Variants in PDE4DIP observed in about 807,000 individuals in gnomAD.
The protein encoded by PDE4DIP is myomegalin.
A neutral mutation model predicts 221.4 loss-of-function variants in PDE4DIP; 59 were observed. The ratio of observed to expected loss-of-function variants is 0.27; its 90% CI spans 0.22 to 0.33. The LOEUF is 0.33. Ranked by LOEUF, PDE4DIP falls within the 10% of genes least tolerant of loss-of-function variation. The pLI is 1.00. For synonymous variants in PDE4DIP, 404 were observed against 815.9 expected, an observed-to-expected ratio of 0.50 and a Z score of 8.60; for missense variants, 1,036 against 2,154.2, an observed-to-expected ratio of 0.48 and a Z score of 10.28.
chr1:148,984,628 T>G (rs1382902962), intron 21 of PDE4DIP: 1 of 152,106 alleles, frequency 6.6e-6, no homozygotes, highest in Non-Finnish European at 1.5e-5. Flanking sequence ...GAAGACTGAT[T>G]TCAGTTCTCT....
upstream of PDE4DIP, among the ~76,000 whole-genome samples, chr1:148,884,808 C>T (rs1625255): frequency 0.029 from 4,221 of 144,870 alleles, 1 homozygote; most frequent in East Asian, 0.099. Flanking sequence ...ATATACGATT[C>T]CATATTTGTT....
intron 17 of PDE4DIP, among the ~76,000 whole-genome samples, chr1:148,975,717 T>G (rs1778103): frequency 0.026 from 3,933 of 150,388 alleles, 124 homozygotes; most frequent in African/African-American, 0.074. Flanking sequence ...GGACCACAGC[T>G]CAGAGTTACA....
intron 1 of PDE4DIP, among the ~76,000 whole-genome samples, chr1:148,892,133 T>C (rs1698750634): frequency 8.4e-6 from 1 of 119,578 alleles, no homozygotes; most frequent in African/African-American, 3.6e-5. Context: ...TAGCTGGGAC[T>C]ACAGACCCCT....
intron 5 of PDE4DIP, chr1:148,952,448 G>A (rs2053664803): frequency 1.8e-5 from 20 of 1,094,194 alleles, no homozygotes; most frequent in Non-Finnish European, 2.2e-5. Flanking sequence ...GCTAAAAGGG[G>A]AGGACGTTGA....
chr1:148,919,703 T>C (rs1327832760), intron 1 of PDE4DIP, among the ~76,000 whole-genome samples: 1 of 151,672 alleles, frequency 6.6e-6, no homozygotes, highest in Non-Finnish European at 1.5e-5. Context: ...ATAAAACCCA[T>C]TCACTAATAG....
intron 1 of PDE4DIP, among the ~76,000 whole-genome samples, chr1:148,912,422 TAAA>T (rs1168566532): frequency 7.7e-6 from 1 of 130,412 alleles, no homozygotes; most frequent in Non-Finnish European, 1.6e-5. Context: ...ACAATCAAGA[TAAA>T]AAAATACTTC....
chr1:148,968,851 C>T lies in PDE4DIP; in HGVS notation c.1801C>T (p.Leu601=), dbSNP rs1778112. 211 of 1,611,914 alleles carry T rather than the reference C, an allele frequency of 1.3e-4. 1 individual carries two copies. The highest frequency in any genetic ancestry group is 8.0e-4 in the Admixed American group (48 of 59,914). Reference sequence around the variant, plus strand: ...TCTGCATTAGGATCTTAGTGCAACACTGCTCTGCAAACTTGGACCAGGGCA... The same window carrying T: ...TCTGCATTAGGATCTTAGTGCAACATTGCTCTGCAAACTTGGACCAGGGCA... Residue 601 remains leucine, a synonymous_variant, in exon 14 of 44, where the codon CTG becomes TTG. Transcript: ENST00000369354.
intron 5 of PDE4DIP, chr1:148,953,129 A>T: frequency 6.2e-7 from 1 of 1,614,062 alleles, no homozygotes; most frequent in Non-Finnish European, 8.5e-7. Context: ...GACGGTTGAC[A>T]TGTCCGTCTT....
intron 5 of PDE4DIP, among the ~76,000 whole-genome samples, chr1:148,944,124 C>A (rs143914797): frequency 2.0e-5 from 3 of 152,090 alleles, no homozygotes; most frequent in African/African-American, 4.8e-5. Flanking sequence ...ATGGGGAGAA[C>A]GCAGTATGGA....
At chr1:149,019,996 G>C in intron 35 of PDE4DIP, 151 bp from the exon 39 acceptor site, 2 of 596,018 alleles carry the variant, frequency 3.4e-6, no homozygotes, top group Non-Finnish European at 6.0e-6. Context: ...CAGGCTCTGG[G>C]GGATGTTGAG....
At chr1:148,983,662 T>C (rs1429859003) in intron 21 of PDE4DIP, 2 of 152,542 alleles carry the variant, frequency 1.3e-5, no homozygotes, top group Non-Finnish European at 2.9e-5. Flanking sequence ...TAGCATGATA[T>C]AATATTCCAT....
intron 17 of PDE4DIP, among the ~76,000 whole-genome samples, chr1:148,975,191 A>G (rs1371362367): frequency 6.7e-6 from 1 of 148,232 alleles, no homozygotes; most frequent in Non-Finnish European, 1.5e-5. Flanking sequence ...AATAATAATA[A>G]TAATAATTGT....
At chr1:148,930,133 G>T (rs1225852771) in intron 2 of PDE4DIP, 1 of 151,442 alleles carries the variant, frequency 6.6e-6, no homozygotes, top group Non-Finnish European at 1.5e-5. Context: ...TAAAAGCTTA[G>T]TGTTAAATGA....
intron 4 of PDE4DIP, among the ~76,000 whole-genome samples, chr1:148,936,660 T>G (rs2049249045): frequency 6.6e-6 from 1 of 152,248 alleles, no homozygotes; most frequent in African/African-American, 2.4e-5. Flanking sequence ...TATAAAAATA[T>G]TTTCCTTATA....
Position 148,998,251 on chromosome 1 carries a change from G to T in PDE4DIP, c.3013G>T (p.Glu1005Ter), listed in dbSNP as rs1553568411. The change falls in exon 23 of 44, where the codon GAA (glutamate) becomes TAA (stop). Residue 1005 changes from glutamate (E) to a stop codon, truncating the protein, a stop_gained. Transcript: ENST00000369354. LOFTEE classifies it high-confidence loss of function. ...GGACAGTAACAGGTGTCTTCAGGAA[G>T]AAATGCTCCACCTGAGGGCTGAGTT... 1 of 1,606,242 alleles carries T rather than the reference G, an allele frequency of 6.2e-7. No individual in the cohort carries two copies. Among genetic ancestry groups the T allele is most frequent in the Non-Finnish European group, 8.5e-7 (1 of 1,172,824 alleles).
intron 27 of PDE4DIP, chr1:149,006,284 C>A (rs1553598149): frequency 6.6e-6 from 1 of 152,118 alleles, no homozygotes; most frequent in Non-Finnish European, 1.5e-5. Context: ...TTATCTATTG[C>A]TAAGTAATAA....
intron 20 of PDE4DIP, among the ~76,000 whole-genome samples, chr1:148,980,052 T>C (rs1334737468): frequency 1.3e-5 from 2 of 152,246 alleles, no homozygotes; most frequent in African/African-American, 4.8e-5. Flanking sequence ...AATCTTAAGT[T>C]GGGATTAGTG....
chr1:149,016,674 T>C (rs587711401), intron 33 of PDE4DIP, 124 bp downstream of exon 36: 2 of 471,690 alleles, frequency 4.2e-6, no homozygotes, highest in East Asian at 3.6e-5. Context: ...GGATATAAAA[T>C]GCAAGAGCTG....
At chr1:149,023,656 G>A (rs1348201834) in intron 37 of PDE4DIP, among the ~76,000 whole-genome samples, 17 of 116,230 alleles carry the variant, frequency 1.5e-4, no homozygotes, top group African/African-American at 4.0e-4. Context: ...ATATGTACAT[G>A]TATATGTGTG....
Sources: gnomAD v4.1 joint callset for allele counts (sites outside exome capture counted in the v4.1 genomes callset) on GRCh38, gnomAD v4.1.1 for gene constraint, MANE v1.5 for transcripts, NCBI Gene and HGNC (gene_info 2026-07-23, HGNC 2026-07-21) for gene names.